MRPS7: variants seen among roughly 807,000 people sequenced by gnomAD.
The protein encoded by MRPS7 is small ribosomal subunit protein uS7m.
MRPS7 carries 13 observed loss-of-function variants against 26.2 expected under a neutral mutation model. The ratio of observed to expected loss-of-function variants is 0.50; its 90% CI spans 0.32 to 0.79. MRPS7 has a LOEUF of 0.79. Ranked by LOEUF, MRPS7 falls within the 30% of genes least tolerant of loss-of-function variation. The pLI is 0.03. For missense variants in MRPS7, 318 were observed against 312.2 expected, an observed-to-expected ratio of 1.02 and a Z score of -0.14; for synonymous variants, 129 against 113.3, an observed-to-expected ratio of 1.14 and a Z score of -0.88.
In MRPS7 at chr17:75,265,829, CT is replaced by C; in HGVS notation, c.638del (p.Phe213SerfsTer7). The C allele has an allele frequency of 5.0e-6, 8 of 1,614,176 alleles. No individual in the cohort carries two copies. Among genetic ancestry groups the C allele is most frequent in the Non-Finnish European group, 6.8e-6 (8 of 1,180,042 alleles). Reference sequence around the variant, plus strand: ...AAGCTGTCACACAAGCTGCTGGAGGCTTTCCATAACCAGGGCCCCGTGATCA... The same window carrying C: ...AAGCTGTCACACAAGCTGCTGGAGGCTTCCATAACCAGGGCCCCGTGATCA... The part of the protein sequence containing the change: ...PEKLSHKLLE[A>X]FHNQGPVIKR... On this transcript the variant is annotated frameshift_variant, in exon 5 of 5. Transcript: ENST00000245539. LOFTEE classifies it high-confidence loss of function.
chr17:75,262,057 C>A, intron 1 of MRPS7, 74 bp downstream of exon 1: 1 of 1,541,414 alleles, frequency 6.5e-7, no homozygotes, highest in Non-Finnish European at 8.8e-7. Context: ...CGCGTGGGCC[C>A]CTAGAGAGAG....
Position 75,262,597 on chromosome 17 carries a change from G to A in MRPS7, c.184G>A (p.Glu62Lys). Residue 62 changes from glutamate (E) to lysine (K), a missense_variant, in exon 2 of 5, where the codon GAG becomes AAG. Coordinates refer to ENST00000245539, the MANE Select transcript of MRPS7 (RefSeq NM_015971.4). ...GCCAGTGGAGGAGCTAACTGAGGAG[G>A]AGAAATATGTTCGGGAGCTCAAGAA... ...RKPVEELTEE[E>K]KYVRELKKTQ... The A allele has an allele frequency of 6.2e-7, 1 of 1,614,142 alleles. No homozygotes were observed. Among genetic ancestry groups the A allele is most frequent in the Non-Finnish European group, 8.5e-7 (1 of 1,180,032 alleles).
In MRPS7 at chr17:75,266,130, G is replaced by A. The variant is rs140822956; in HGVS notation, c.*207G>A. The A allele has an allele frequency of 3.5e-4, 205 of 587,978 alleles. No homozygotes were observed. Among genetic ancestry groups the A allele is most frequent in the African/African-American group, 3.3e-3 (180 of 53,778 alleles). 36.4% of individuals were successfully genotyped at this position (587,978 alleles called of 1,614,324 possible). The stretch of plus-strand genomic sequence containing the variant: ...CTCTCTGCCCCTATTTCCTTGTAAA[G>A]AGGGAGCACATTGACTTGGGAATTT... On this transcript the variant is annotated 3_prime_UTR_variant, in exon 5 of 5. Coordinates refer to ENST00000245539, the MANE Select transcript of MRPS7 (RefSeq NM_015971.4).
intron 4 of MRPS7, 81 bp from the exon 5 acceptor site, chr17:75,265,621 C>A: frequency 1.6e-6 from 2 of 1,249,702 alleles, no homozygotes; most frequent in African/African-American, 1.5e-5. Flanking sequence ...CATGTGGCTA[C>A]TCCTTAGAAT....
intron 4 of MRPS7, among the ~76,000 whole-genome samples, chr17:75,264,766 G>T (rs1233317540): frequency 6.7e-6 from 1 of 149,580 alleles, no homozygotes; most frequent in Non-Finnish European, 1.5e-5. Context: ...TGCAGCCTCC[G>T]CCTCCCGGGT....
In MRPS7 at chr17:75,265,833, C is replaced by T. The variant is rs770411573; in HGVS notation, c.639C>T (p.Phe213=). The T allele has an allele frequency of 1.2e-6, 2 of 1,614,186 alleles. No homozygotes were observed. Among genetic ancestry groups the T allele is most frequent in the Non-Finnish European group, 1.7e-6 (2 of 1,180,050 alleles). ...TGTCACACAAGCTGCTGGAGGCTTTCCATAACCAGGGCCCCGTGATCAAGA... is the reference window on the plus strand; with the variant it reads ...TGTCACACAAGCTGCTGGAGGCTTTTCATAACCAGGGCCCCGTGATCAAGA... ...EKLSHKLLEA[F]HNQGPVIKRK... is the part of the protein sequence containing the mutation. Residue 213 remains phenylalanine, a synonymous_variant, in exon 5 of 5, where the codon TTC becomes TTT. Coordinates refer to ENST00000245539, the MANE Select transcript of MRPS7 (RefSeq NM_015971.4).
rs764169104 is a variant in MRPS7, at chr17:75,262,862, A to G, written c.334A>G (p.Ile112Val). Residue 112 changes from isoleucine to valine, a missense_variant, in exon 3 of 5, where the codon ATT becomes GTT. Ile to Val is a conservative substitution (Grantham distance 29). Coordinates refer to ENST00000245539, the MANE Select transcript of MRPS7 (RefSeq NM_015971.4). ...GNKVLARSLM[I>V]QTLEAVKRKQ... ...CAAAGTACTGGCCAGATCCCTCATGATTCAGGTAAACAGCACTTCCCTCCT... is the reference window on the plus strand; with the variant it reads ...CAAAGTACTGGCCAGATCCCTCATGGTTCAGGTAAACAGCACTTCCCTCCT... 3 of 1,613,948 alleles carry G rather than the reference A, an allele frequency of 1.9e-6. No individual in the cohort carries two copies. The highest frequency in any genetic ancestry group is 2.5e-6 in the Non-Finnish European group (3 of 1,179,950).
chr17:75,261,978 T>C lies in MRPS7; in HGVS notation c.78T>C (p.Leu26=), dbSNP rs1314173730. The C allele has an allele frequency of 1.9e-6, 3 of 1,591,738 alleles. No individual in the cohort carries two copies. Among genetic ancestry groups the C allele is most frequent in the Non-Finnish European group, 2.6e-6 (3 of 1,176,042 alleles). ...ALGVRRAVLQ[L]PGLTQVRWSR... ...GCGTGCGGCGGGCTGTCTTGCAGCTTCCAGGGTGAGAGGGTGGCGAGCAGC... is the reference window on the plus strand; with the variant it reads ...GCGTGCGGCGGGCTGTCTTGCAGCTCCCAGGGTGAGAGGGTGGCGAGCAGC... Residue 26 remains leucine, a synonymous_variant, in exon 1 of 5, where the codon CTT becomes CTC. Transcript: ENST00000245539.
At chr17:75,262,930 G>T in intron 3 of MRPS7, 63 bp downstream of exon 3, 1 of 1,498,712 alleles carries the variant, frequency 6.7e-7, no homozygotes, top group Non-Finnish European at 9.2e-7. Context: ...CTTGTACTTG[G>T]TACTTTCAGT....
chr17:75,265,317 C>T (rs538278259), intron 4 of MRPS7, among the ~76,000 whole-genome samples: 30 of 151,890 alleles, frequency 2.0e-4, no homozygotes, highest in African/African-American at 6.8e-4. Context: ...GAATTACAGG[C>T]GTGAACCATC....
At chr17:75,262,915 G>T in intron 3 of MRPS7, 48 bp downstream of exon 3, 1 of 1,569,120 alleles carries the variant, frequency 6.4e-7, no homozygotes, top group East Asian at 2.2e-5. Context: ...CCCCTACCCC[G>T]TAGCCTTGTA....
intron 3 of MRPS7, 141 bp from the exon 4 acceptor site, chr17:75,263,199 A>C: frequency 9.6e-7 from 1 of 1,036,650 alleles, no homozygotes; most frequent in Non-Finnish European, 1.4e-6. Flanking sequence ...GCACTTAAAA[A>C]CTTTGTTTTG....
At position 75,265,719 on chromosome 17, in the gene MRPS7, C is replaced by T. The variant is rs147040097; in HGVS notation, c.525C>T (p.Pro175=). 11 of 1,613,978 alleles carry T rather than the reference C, an allele frequency of 6.8e-6. No homozygotes were observed. The highest frequency in any genetic ancestry group is 5.3e-5 in the African/African-American group (4 of 75,066). Residue 175 remains proline, a synonymous_variant, in exon 5 of 5, where the codon CCC becomes CCT. Transcript: ENST00000245539. The part of the protein sequence containing the change: ...GRFYQVPVPL[P]DRRRRFLAMK... The stretch of plus-strand genomic sequence containing the variant: ...TCACCCAGGTCCCTGTACCCCTACC[C>T]GACCGGCGTCGCCGCTTCCTAGCCA...
chr17:75,264,219 C>T (rs1215405207), intron 4 of MRPS7: 1 of 151,560 alleles, frequency 6.6e-6, no homozygotes, highest in African/African-American at 2.4e-5. Flanking sequence ...GTCCACTCAT[C>T]TGAGTCCTGT....
At chr17:75,262,011 G>A (rs972770139) in intron 1 of MRPS7, 28 bp downstream of exon 1, 1 of 1,600,628 alleles carries the variant, frequency 6.2e-7, no homozygotes, top group Admixed American at 1.7e-5. Context: ...AGCGGCGGGG[G>A]GGCGCTGCGA....
chr17:75,265,444 G>C (rs1187929209), intron 4 of MRPS7, among the ~76,000 whole-genome samples: 5 of 152,142 alleles, frequency 3.3e-5, no homozygotes, highest in Admixed American at 1.3e-4. Flanking sequence ...CAAAGTGCTG[G>C]GATTACAGGT....
In MRPS7 at chr17:75,265,735, T is replaced by G. The variant is rs2077472411; in HGVS notation, c.541T>G (p.Phe181Val). 1.2e-6 allele frequency: 2 copies of G among 1,613,954 alleles called. No homozygotes were observed. Among genetic ancestry groups the G allele is most frequent in the African/African-American group, 2.7e-5 (2 of 74,940 alleles). The change falls in exon 5 of 5, where the codon TTC (phenylalanine) becomes GTC (valine). Residue 181 changes from phenylalanine (F) to valine (V), a missense_variant. Coordinates refer to ENST00000245539, the MANE Select transcript of MRPS7 (RefSeq NM_015971.4). The part of the protein sequence containing the change: ...PVPLPDRRRR[F>V]LAMKWMITEC... Reference sequence around the variant, plus strand: ...ACCCCTACCCGACCGGCGTCGCCGCTTCCTAGCCATGAAGTGGATGATCAC... The same window carrying G: ...ACCCCTACCCGACCGGCGTCGCCGCGTCCTAGCCATGAAGTGGATGATCAC...
At chr17:75,262,369 A>G (rs772666362) in intron 1 of MRPS7, 128 bp from the exon 2 acceptor site, 5 of 1,027,956 alleles carry the variant, frequency 4.9e-6, no homozygotes, top group Middle Eastern at 2.1e-4. Flanking sequence ...GTTGTGGCTC[A>G]GGTTTAGCTC....
intron 3 of MRPS7, chr17:75,263,125 C>G (rs1328377641): frequency 1.6e-6 from 1 of 638,800 alleles, no homozygotes; most frequent in Non-Finnish European, 2.6e-6. Flanking sequence ...CCACCTCACC[C>G]CCCACCCCCT....
Sources: allele counts gnomAD v4.1 joint callset (sites outside exome capture counted in the v4.1 genomes callset), GRCh38; gene constraint gnomAD v4.1.1; transcripts MANE v1.5; gene names NCBI Gene and HGNC (gene_info 2026-07-23, HGNC 2026-07-21).